Variants in PABPC4L observed in about 807,000 individuals in gnomAD.
The protein encoded by PABPC4L is poly(A) binding protein cytoplasmic 4 like, also known as polyadenylate-binding protein 4-like.
For synonymous variants in PABPC4L, 169 were observed against 164.1 expected (o/e 1.03, Z -0.23); for missense variants, 452 against 451.4 (o/e 1.00, Z -0.01).
the PABPC4L span, among the ~76,000 whole-genome samples, chr4:133,955,232 T>G: frequency 6.6e-6 from 1 of 152,118 alleles, no homozygotes; most frequent in South Asian, 2.1e-4. Flanking sequence ...GGGGATAGTT[T>G]AATACTTTGG....
chr4:134,020,789 T>G, the PABPC4L span, among the ~76,000 whole-genome samples: 1 of 152,114 alleles, frequency 6.6e-6, no homozygotes, highest in Non-Finnish European at 1.5e-5. Flanking sequence ...TAAAGATAGA[T>G]TTTAAAAAGA....
At chr4:134,181,133 C>A in the PABPC4L span, among the ~76,000 whole-genome samples, 1 of 152,040 alleles carries the variant, frequency 6.6e-6, no homozygotes, top group Non-Finnish European at 1.5e-5. Flanking sequence ...AAAACACAAG[C>A]AAACCAAATT....
chr4:134,040,975 G>T, the PABPC4L span, among the ~76,000 whole-genome samples: 1 of 152,098 alleles, frequency 6.6e-6, no homozygotes, highest in East Asian at 1.9e-4. Context: ...ATGAAAAAAA[G>T]CTCATCATCA....
At chr4:133,957,859 C>G in the PABPC4L span, among the ~76,000 whole-genome samples, 1 of 152,182 alleles carries the variant, frequency 6.6e-6, no homozygotes, top group East Asian at 1.9e-4. Context: ...TTAGCCATGG[C>G]TGGAGCTGAA....
the PABPC4L span, among the ~76,000 whole-genome samples, chr4:134,026,392 C>T: frequency 2.0e-5 from 3 of 152,014 alleles, no homozygotes; most frequent in South Asian, 2.1e-4. Flanking sequence ...CACACCACCA[C>T]ATCCAGCTAA....
chr4:134,103,007 A>G, the PABPC4L span, among the ~76,000 whole-genome samples: 1 of 151,504 alleles, frequency 6.6e-6, no homozygotes, highest in Admixed American at 6.6e-5. Flanking sequence ...CTACAATTAC[A>G]TGTGGAAGGT....
chr4:134,185,276 C>A, the PABPC4L span, among the ~76,000 whole-genome samples: 8 of 151,924 alleles, frequency 5.3e-5, no homozygotes, highest in African/African-American at 1.9e-4. Context: ...AACATCAATG[C>A]AAAAATCCTC....
At chr4:134,141,173 T>G in the PABPC4L span, among the ~76,000 whole-genome samples, 1 of 151,674 alleles carries the variant, frequency 6.6e-6, no homozygotes, top group Non-Finnish European at 1.5e-5. Flanking sequence ...AATAGGCAAT[T>G]ATGAAACTAC....
Position 134,200,635 on chromosome 4 carries a change from C to A in PABPC4L, c.385G>T (p.Val129Leu). The A allele has an allele frequency of 1.3e-6, 2 of 1,551,616 alleles. No individual in the cohort carries two copies. The highest frequency in any genetic ancestry group is 3.9e-5 in the Admixed American group (2 of 50,980). Reference sequence around the variant, plus strand: ...TTGGAGCCTTGATCATCACTCATCACCTTGGAGGAAAGGATCTTTCCAAAA... The same window carrying A: ...TTGGAGCCTTGATCATCACTCATCAACTTGGAGGAAAGGATCTTTCCAAAA... ...SAFGKILSSKVMSDDQGSKGY... is the reference protein window; with the variant it reads ...SAFGKILSSKLMSDDQGSKGY... Residue 129 changes from valine (V) to leucine (L), a missense_variant, in exon 2 of 2, where the codon GTG (valine) becomes TTG (leucine). Val to Leu is a conservative substitution (Grantham distance 32). Coordinates refer to ENST00000421491, the MANE Select transcript of PABPC4L (RefSeq NM_001114734.2).
the PABPC4L span, among the ~76,000 whole-genome samples, chr4:133,966,487 G>T: frequency 3.9e-5 from 6 of 152,146 alleles, no homozygotes; most frequent in Admixed American, 3.9e-4. Flanking sequence ...GGCATTACAC[G>T]TAAAAGATAC....
chr4:134,126,075 G>A, the PABPC4L span, among the ~76,000 whole-genome samples: 1 of 152,098 alleles, frequency 6.6e-6, no homozygotes. Flanking sequence ...TCTTTAATAA[G>A]TAAATTGATA....
the PABPC4L span, among the ~76,000 whole-genome samples, chr4:134,156,629 A>G: frequency 6.6e-6 from 1 of 151,934 alleles, no homozygotes; most frequent in African/African-American, 2.4e-5. Flanking sequence ...AATATAAGGA[A>G]ATTATATTAG....
At chr4:134,003,762 AG>A in the PABPC4L span, among the ~76,000 whole-genome samples, 2 of 151,834 alleles carry the variant, frequency 1.3e-5, no homozygotes, top group African/African-American at 4.8e-5. Context: ...TTCTCATGGG[AG>A]CATCAAGAAA....
chr4:134,156,561 A>G, the PABPC4L span, among the ~76,000 whole-genome samples: 31 of 152,042 alleles, frequency 2.0e-4, no homozygotes, highest in African/African-American at 6.7e-4. Context: ...TTCTGGAAAG[A>G]GAAACAATTA....
At chr4:134,103,935 T>C in the PABPC4L span, among the ~76,000 whole-genome samples, 5 of 151,812 alleles carry the variant, frequency 3.3e-5, no homozygotes, top group East Asian at 9.7e-4. Context: ...TTTTTCCACA[T>C]AATACTGATG....
the PABPC4L span, among the ~76,000 whole-genome samples, chr4:134,084,174 A>G: frequency 6.6e-6 from 1 of 152,028 alleles, no homozygotes; most frequent in African/African-American, 2.4e-5. Flanking sequence ...TCAGTTTCCC[A>G]AGTAGCTAGG....
chr4:134,124,622 CCAGGAAAAGGA>C, the PABPC4L span, among the ~76,000 whole-genome samples: 1 of 152,084 alleles, frequency 6.6e-6, no homozygotes, highest in East Asian at 1.9e-4. Context: ...AGGCATTCTT[CCAGGAAAAGGA>C]GATGTTTGGT....
the PABPC4L span, among the ~76,000 whole-genome samples, chr4:134,132,553 A>T: frequency 6.6e-6 from 1 of 151,210 alleles, no homozygotes; most frequent in African/African-American, 2.4e-5. Flanking sequence ...ATAAGAGAAT[A>T]AAAAAAAATC....
At chr4:134,041,654 G>T in the PABPC4L span, among the ~76,000 whole-genome samples, 8 of 151,850 alleles carry the variant, frequency 5.3e-5, no homozygotes, top group African/African-American at 1.9e-4. Flanking sequence ...CGTGGCACGT[G>T]TATACCTATG....
Sources: allele counts gnomAD v4.1 joint callset (sites outside exome capture counted in the v4.1 genomes callset), GRCh38; gene constraint gnomAD v4.1.1; transcripts MANE v1.5; gene names NCBI Gene and HGNC (gene_info 2026-07-23, HGNC 2026-07-21).